KCND2: variants seen among roughly 807,000 people sequenced by gnomAD.
KCND2 encodes potassium voltage-gated channel subfamily D member 2.
Under a neutral mutation model 54.4 loss-of-function variants are expected in KCND2, and 16 were observed. That is an observed-to-expected ratio of 0.29 (90% CI 0.20 to 0.45). The LOEUF (loss-of-function observed/expected upper bound fraction) is 0.45, where lower values mean the gene tolerates loss of function less well. KCND2 is among the 20% of genes least tolerant of loss of function. KCND2 has a pLI of 1.00. For synonymous variants in KCND2, 317 were observed against 310.7 expected (o/e 1.02, Z -0.21); for missense variants, 486 against 824.2 (o/e 0.59, Z 5.02).
intron 1 of KCND2, among the ~76,000 whole-genome samples, chr7:120,621,866 G>A (rs1262739035): frequency 1.3e-5 from 2 of 152,112 alleles, no homozygotes; most frequent in Non-Finnish European, 2.9e-5. Context: ...GGAGTAGTAT[G>A]AATAGGCCCC....
chr7:120,574,603 G>A (rs921641692), intron 1 of KCND2, among the ~76,000 whole-genome samples: 7 of 151,938 alleles, frequency 4.6e-5, no homozygotes, highest in South Asian at 2.1e-4. Flanking sequence ...ATCATCTGGA[G>A]CATTAAAAAA....
At chr7:120,684,099 C>A (rs981454219) in intron 1 of KCND2, among the ~76,000 whole-genome samples, 10 of 152,064 alleles carry the variant, frequency 6.6e-5, no homozygotes, top group African/African-American at 2.2e-4. Flanking sequence ...TCATCATCAC[C>A]TGAAAGCAAA....
intron 1 of KCND2, among the ~76,000 whole-genome samples, chr7:120,453,495 A>G (rs1218208359): frequency 2.6e-5 from 4 of 152,176 alleles, no homozygotes; most frequent in Non-Finnish European, 5.9e-5. Flanking sequence ...CACTGCCACC[A>G]TTGCGAATGT....
At chr7:120,330,289 A>T (rs1309154604) in intron 1 of KCND2, among the ~76,000 whole-genome samples, 1 of 152,118 alleles carries the variant, frequency 6.6e-6, no homozygotes, top group African/African-American at 2.4e-5. Flanking sequence ...GCGCATAATA[A>T]AAAAAGTAGG....
At chr7:120,520,139 ACATC>A (rs1791669421) in intron 1 of KCND2, among the ~76,000 whole-genome samples, 1 of 152,140 alleles carries the variant, frequency 6.6e-6, no homozygotes, top group Admixed American at 6.6e-5. Flanking sequence ...AAAAATATTT[ACATC>A]ATGAAAGGAA....
chr7:120,640,688 C>T (rs1793360769), intron 1 of KCND2, among the ~76,000 whole-genome samples: 1 of 152,034 alleles, frequency 6.6e-6, no homozygotes, highest in South Asian at 2.1e-4. Context: ...GAATATCCAG[C>T]ATTTAAAAGC....
chr7:120,745,657 A>T (rs2116189466), intron 4 of KCND2, 123 bp from the exon 5 acceptor site: 1 of 1,008,202 alleles, frequency 9.9e-7, no homozygotes, highest in Non-Finnish European at 1.5e-6. Context: ...AAATGGTTTT[A>T]TTTAACCATT....
intron 1 of KCND2, among the ~76,000 whole-genome samples, chr7:120,630,385 C>A (rs1284440441): frequency 6.6e-6 from 1 of 152,152 alleles, no homozygotes; most frequent in Admixed American, 6.5e-5. Context: ...AAAAAAGCCT[C>A]CTTTTTTCCC....
chr7:120,417,567 T>C (rs1322831952), intron 1 of KCND2, among the ~76,000 whole-genome samples: 1 of 152,172 alleles, frequency 6.6e-6, no homozygotes, highest in Non-Finnish European at 1.5e-5. Context: ...AAAAAATCTG[T>C]TGAGAAGAAA....
chr7:120,725,181 G>A (rs1409364353), intron 1 of KCND2, among the ~76,000 whole-genome samples: 1 of 152,140 alleles, frequency 6.6e-6, no homozygotes, highest in South Asian at 2.1e-4. Flanking sequence ...TATAAATGTT[G>A]AGAATGTTGA....
chr7:120,629,724 G>C (rs949015943), intron 1 of KCND2, among the ~76,000 whole-genome samples: 6 of 152,188 alleles, frequency 3.9e-5, no homozygotes, highest in Admixed American at 1.3e-4. Flanking sequence ...AATGCAGTTG[G>C]AATGGTTAGA....
At chr7:120,736,549 T>C (rs578109547) in intron 2 of KCND2, among the ~76,000 whole-genome samples, 1 of 152,152 alleles carries the variant, frequency 6.6e-6, no homozygotes, top group African/African-American at 2.4e-5. Context: ...TCTTTTAATA[T>C]ATGGATCACA....
At chr7:120,411,876 T>C (rs1050217128) in intron 1 of KCND2, among the ~76,000 whole-genome samples, 5 of 151,956 alleles carry the variant, frequency 3.3e-5, no homozygotes, top group African/African-American at 1.2e-4. Context: ...TAGATGGGTT[T>C]CCTCTCAGTT....
chr7:120,350,041 T>C (rs2116381491), intron 1 of KCND2, among the ~76,000 whole-genome samples: 1 of 152,218 alleles, frequency 6.6e-6, no homozygotes, highest in Non-Finnish European at 1.5e-5. Flanking sequence ...TATAACTTTA[T>C]ATAACATAAA....
intron 1 of KCND2, among the ~76,000 whole-genome samples, chr7:120,288,983 A>G (rs1799389421): frequency 6.6e-6 from 1 of 151,846 alleles, no homozygotes. Context: ...CTCTTCCTTA[A>G]CAGAGTATAT....
chr7:120,709,791 G>A (rs895231642), intron 1 of KCND2, among the ~76,000 whole-genome samples: 2 of 152,058 alleles, frequency 1.3e-5, no homozygotes, highest in African/African-American at 2.4e-5. Flanking sequence ...ACCTAGCACT[G>A]GCTTGGAATC....
chr7:120,446,889 TA>T (rs1361025619), intron 1 of KCND2, among the ~76,000 whole-genome samples: 8 of 152,308 alleles, frequency 5.3e-5, no homozygotes, highest in Middle Eastern at 3.4e-3. Context: ...TTTGCATTTC[TA>T]AAAACTTGAT....
chr7:120,735,965 G>A (rs1445420157), intron 2 of KCND2, among the ~76,000 whole-genome samples: 10 of 152,040 alleles, frequency 6.6e-5, no homozygotes, highest in Non-Finnish European at 1.0e-4. Context: ...CGCCCATTAG[G>A]CTAAGACAGT....
intron 1 of KCND2, among the ~76,000 whole-genome samples, chr7:120,576,195 T>A (rs1255611805): frequency 6.6e-6 from 1 of 152,132 alleles, no homozygotes; most frequent in Non-Finnish European, 1.5e-5. Flanking sequence ...CCACACAATA[T>A]TTGAAAAATA....
Sources: allele counts gnomAD v4.1 joint callset (sites outside exome capture counted in the v4.1 genomes callset), GRCh38; gene constraint gnomAD v4.1.1; transcripts MANE v1.5; gene names NCBI Gene and HGNC (gene_info 2026-07-23, HGNC 2026-07-21).